The following SAMSN1 variants were observed in gnomAD, a reference collection of about 807,000 sequenced individuals.
The protein encoded by SAMSN1 is SAM domain, SH3 domain and nuclear localization signals 1.
In SAMSN1, 31 loss-of-function variants were observed where a neutral mutation model predicts 42.0. That is an observed-to-expected ratio of 0.74 (90% CI 0.55 to 1.00). The LOEUF (loss-of-function observed/expected upper bound fraction) is 1.00. Ranked by LOEUF, SAMSN1 falls within the 50% of genes least tolerant of loss-of-function variation. The probability of loss-of-function intolerance (pLI) is 0.00; values close to 1 mark genes in which losing one functional copy is unlikely to be tolerated. For missense variants in SAMSN1, 464 were observed against 439.4 expected, an observed-to-expected ratio of 1.06 and a Z score of -0.50; for synonymous variants, 178 against 151.9, an observed-to-expected ratio of 1.17 and a Z score of -1.26.
intron 2 of SAMSN1, among the ~76,000 whole-genome samples, chr21:14,632,483 T>A (rs1313501316): frequency 1.3e-5 from 2 of 152,222 alleles, no homozygotes; most frequent in African/African-American, 4.8e-5. Flanking sequence ...TGTATAATTG[T>A]AATACAAATA....
intron 2 of SAMSN1, among the ~76,000 whole-genome samples, chr21:14,617,477 T>C (rs577058443): frequency 2.2e-4 from 34 of 152,270 alleles, no homozygotes; most frequent in African/African-American, 8.2e-4. Context: ...ATCTTTATAG[T>C]AGTGTTTTTC....
At chr21:14,536,285 G>A (rs915606190) in intron 1 of SAMSN1, among the ~76,000 whole-genome samples, 3 of 152,102 alleles carry the variant, frequency 2.0e-5, no homozygotes, top group African/African-American at 7.2e-5. Context: ...TATCTCCAAA[G>A]CAAGGCAAAG....
chr21:14,545,590 C>G (rs1010823219), intron 1 of SAMSN1, among the ~76,000 whole-genome samples: 20 of 151,968 alleles, frequency 1.3e-4, no homozygotes, highest in Non-Finnish European at 2.9e-5. Context: ...GAGTAACATT[C>G]CACATATTAC....
At chr21:14,645,653 A>G (rs1600982600) in intron 1 of SAMSN1, among the ~76,000 whole-genome samples, 1 of 152,212 alleles carries the variant, frequency 6.6e-6, no homozygotes, top group Non-Finnish European at 1.5e-5. Flanking sequence ...ACAGGACCTC[A>G]CCAACTAAAC....
intron 7 of SAMSN1, chr21:14,591,436 A>AGTATTTT (rs1337965621): frequency 6.6e-6 from 1 of 152,154 alleles, no homozygotes; most frequent in Non-Finnish European, 1.5e-5. Flanking sequence ...AAAAATAGTC[A>AGTATTTT]TCTGTTTCTG....
chr21:14,573,268 C>A (rs374463495), intron 2 of SAMSN1, among the ~76,000 whole-genome samples: 79 of 152,232 alleles, frequency 5.2e-4, no homozygotes, highest in African/African-American at 1.9e-3. Context: ...AAACTTCACC[C>A]ATCCATTTTT....
At chr21:14,506,736 A>G (rs1987427553) in intron 5 of SAMSN1, among the ~76,000 whole-genome samples, 1 of 152,150 alleles carries the variant, frequency 6.6e-6, no homozygotes, top group African/African-American at 2.4e-5. Flanking sequence ...AAAGAGGGTA[A>G]CCAAAAAAGA....
chr21:14,564,066 TA>T (rs1295395753), intron 2 of SAMSN1, among the ~76,000 whole-genome samples: 1 of 152,180 alleles, frequency 6.6e-6, no homozygotes, highest in Non-Finnish European at 1.5e-5. Context: ...CTAGCATTGG[TA>T]AATACATTCG....
intron 7 of SAMSN1, among the ~76,000 whole-genome samples, chr21:14,589,688 G>C (rs1004586156): frequency 6.6e-6 from 1 of 152,016 alleles, no homozygotes; most frequent in African/African-American, 2.4e-5. Flanking sequence ...AATCCAGATT[G>C]CGTTATCTGT....
chr21:14,642,627 A>G (rs1238819847), intron 2 of SAMSN1, among the ~76,000 whole-genome samples: 2 of 152,204 alleles, frequency 1.3e-5, no homozygotes, highest in African/African-American at 4.8e-5. Flanking sequence ...GCCAGAAACT[A>G]CTGATTCAGA....
At chr21:14,646,459 G>A (rs466464) in intron 1 of SAMSN1, among the ~76,000 whole-genome samples, 116,758 of 152,050 alleles carry the variant, frequency 0.77, 45,340 homozygotes, top group Middle Eastern at 0.89. Flanking sequence ...ACTTTCCCAG[G>A]CATACAAAAG....
chr21:14,589,493 T>G (rs1187059835), intron 7 of SAMSN1, among the ~76,000 whole-genome samples: 2 of 152,036 alleles, frequency 1.3e-5, no homozygotes, highest in South Asian at 2.1e-4. Flanking sequence ...ATCAGGTACT[T>G]TCAGATTTAT....
At chr21:14,633,126 T>A (rs900696572) in intron 2 of SAMSN1, among the ~76,000 whole-genome samples, 1 of 152,150 alleles carries the variant, frequency 6.6e-6, no homozygotes, top group African/African-American at 2.4e-5. Context: ...TGTGTCAACA[T>A]GGCTAGGCCA....
chr21:14,526,569 G>C (rs1488750105), intron 1 of SAMSN1, among the ~76,000 whole-genome samples: 1 of 152,182 alleles, frequency 6.6e-6, no homozygotes, highest in Non-Finnish European at 1.5e-5. Context: ...ACTGTTTCAT[G>C]ATATAAAGCT....
Position 14,517,030 on chromosome 21 carries a change from T to C in SAMSN1, c.141A>G (p.Gly47=), listed in dbSNP as rs1315376452. ...KPDDSTEAHE[G]DPTNGSGEQS... The stretch of plus-strand genomic sequence containing the variant: ...GTTCTCCACTTCCATTTGTGGGATC[T>C]CCTTCATGTGCCTAGTTTAGAATTG... Residue 47 remains glycine, a synonymous_variant, in exon 3 of 8, where the codon GGA becomes GGG. Transcript: ENST00000400566. 1 of 1,610,510 alleles carries C rather than the reference T, an allele frequency of 6.2e-7. No individual in the cohort carries two copies. The highest frequency in any genetic ancestry group is 1.7e-5 in the Admixed American group (1 of 59,316).
At position 14,500,639 on chromosome 21, in the gene SAMSN1, C is replaced by A. The variant is rs1457603799; in HGVS notation, c.658G>T (p.Asp220Tyr). The A allele has an allele frequency of 1.2e-6, 2 of 1,614,086 alleles. No individual in the cohort carries two copies. The highest frequency in any genetic ancestry group is 4.5e-5 in the East Asian group (2 of 44,872). Residue 220 changes from aspartate (D) to tyrosine (Y), a missense_variant, in exon 6 of 8, where the codon GAT (aspartate) becomes TAT (tyrosine). Physicochemically the swap from Asp to Tyr is radical, Grantham distance 160 (BLOSUM62 -3). Coordinates refer to ENST00000400566, the MANE Select transcript of SAMSN1 (RefSeq NM_022136.5). Reference sequence around the variant, plus strand: ...GCTGCTTCCTCTTCTGAGATGACATCCACATAAATGAATTTGAAGTTTCCC... The same window carrying A: ...GCTGCTTCCTCTTCTGAGATGACATACACATAAATGAATTTGAAGTTTCCC... ...KVGNFKFIYV[D>Y]VISEEEAAPK...
In SAMSN1 at chr21:14,492,502, G is replaced by A. The variant is rs1209621715; in HGVS notation, c.919+5940C>T. 2.0e-5 allele frequency among the ~76,000 whole-genome samples: 3 copies of A among 152,168 alleles called. 1 individual carries two copies. Among genetic ancestry groups the A allele is most frequent in the Admixed American group, 2.0e-4 (3 of 15,284 alleles). ...ACTAGGGGCTTTGGGAAAGCATGTG[G>A]TAATAGAAGATTCGGTCTTGTTTGG... On this transcript the variant is annotated intron_variant, in intron 7 of 7. Coordinates refer to ENST00000400566, the MANE Select transcript of SAMSN1 (RefSeq NM_022136.5).
chr21:14,625,685 T>C (rs538837353), intron 2 of SAMSN1, among the ~76,000 whole-genome samples: 33 of 152,310 alleles, frequency 2.2e-4, no homozygotes, highest in African/African-American at 7.9e-4. Flanking sequence ...ATCAGTATTG[T>C]GAAAATGGCC....
intron 2 of SAMSN1, among the ~76,000 whole-genome samples, chr21:14,617,701 A>G (rs768021980): frequency 1.4e-4 from 22 of 152,380 alleles, no homozygotes; most frequent in South Asian, 4.1e-4. Context: ...ATTTGCAATA[A>G]GGAATATGGG....
Sources: gnomAD v4.1 joint callset for allele counts (sites outside exome capture counted in the v4.1 genomes callset) on GRCh38, gnomAD v4.1.1 for gene constraint, MANE v1.5 for transcripts, NCBI Gene and HGNC (gene_info 2026-07-23, HGNC 2026-07-21) for gene names.